The following GBE1 variants were observed in gnomAD, a reference collection of about 807,000 sequenced individuals.
The protein encoded by GBE1 is 1,4-alpha-glucan branching enzyme 1.
Under a neutral mutation model 88.8 loss-of-function variants are expected in GBE1, and 70 were observed. The observed-to-expected ratio is 0.79, with a 90% CI of 0.65 to 0.96. The LOEUF (loss-of-function observed/expected upper bound fraction) is 0.96. Ranked by LOEUF, GBE1 falls within the 40% of genes least tolerant of loss-of-function variation. The pLI is 0.00. For missense variants in GBE1, 872 were observed against 871.0 expected, an observed-to-expected ratio of 1.00 and a Z score of -0.01; for synonymous variants, 284 against 300.1, an observed-to-expected ratio of 0.95 and a Z score of 0.56.
rs376809475 is a variant in GBE1, at chr3:81,586,205, G to A, written c.1237-15C>T. On this transcript the variant is annotated splice_polypyrimidine_tract_variant and intron_variant, in intron 9 of 15. Coordinates refer to ENST00000429644, the MANE Select transcript of GBE1 (RefSeq NM_000158.4). ...CCTGATACATCCTACAACAAAGAAC[G>A]TCGGTTCATAATGATCAAACTTTTA... 1.5e-4 allele frequency: 224 copies of A among 1,515,688 alleles called. No individual in the cohort carries two copies. The highest frequency in any genetic ancestry group is 9.6e-4 in the African/African-American group (69 of 71,858). The allele number at this position is 1,515,688 out of a possible 1,614,324, so 93.9% of individuals were successfully genotyped here.
intron 7 of GBE1, among the ~76,000 whole-genome samples, chr3:81,607,060 A>G (rs1445633126): frequency 6.6e-6 from 1 of 152,206 alleles, no homozygotes; most frequent in Non-Finnish European, 1.5e-5. Context: ...CCATATTGCC[A>G]TTTATGGTTT....
chr3:81,617,772 A>G (rs960781925), intron 7 of GBE1, among the ~76,000 whole-genome samples: 18 of 151,920 alleles, frequency 1.2e-4, no homozygotes, highest in African/African-American at 4.3e-4. Flanking sequence ...TCTTTTCTGG[A>G]AGAATCTATA....
chr3:81,613,147 TC>T, intron 7 of GBE1: 9 of 299,440 alleles, frequency 3.0e-5, no homozygotes, highest in Admixed American at 5.0e-5. Context: ...CAAGCTGCAG[TC>T]TTTTTTTTTT....
intron 1 of GBE1, among the ~76,000 whole-genome samples, chr3:81,712,587 G>T (rs1195947759): frequency 1.4e-5 from 2 of 147,044 alleles, no homozygotes; most frequent in Non-Finnish European, 3.0e-5. Context: ...TCATAGGTGG[G>T]AATTGAACAA....
intron 7 of GBE1, among the ~76,000 whole-genome samples, chr3:81,636,102 T>C (rs1704588430): frequency 6.6e-6 from 1 of 152,192 alleles, no homozygotes; most frequent in Non-Finnish European, 1.5e-5. Context: ...AGTAATCTCA[T>C]AAACCCTGTG....
chr3:81,697,220 C>A (rs1311264510), intron 2 of GBE1, among the ~76,000 whole-genome samples: 1 of 152,068 alleles, frequency 6.6e-6, no homozygotes, highest in Non-Finnish European at 1.5e-5. Context: ...TTACGTTTAC[C>A]AGTTTTGTAT....
At chr3:81,691,428 T>C (rs1705518912) in intron 2 of GBE1, among the ~76,000 whole-genome samples, 1 of 152,178 alleles carries the variant, frequency 6.6e-6, no homozygotes, top group Non-Finnish European at 1.5e-5. Context: ...CTGAGATACT[T>C]TGTGCTAGTC....
At chr3:81,696,494 A>G (rs1266326483) in intron 2 of GBE1, among the ~76,000 whole-genome samples, 2 of 152,210 alleles carry the variant, frequency 1.3e-5, no homozygotes, top group Admixed American at 1.3e-4. Flanking sequence ...AAAATTTGAT[A>G]TATGTTGTAC....
At chr3:81,743,788 T>TA (rs1175482662) in intron 1 of GBE1, among the ~76,000 whole-genome samples, 1 of 151,948 alleles carries the variant, frequency 6.6e-6, no homozygotes, top group African/African-American at 2.4e-5. Context: ...CATTTAGCAT[T>TA]AAAAAAAGAC....
intron 1 of GBE1, among the ~76,000 whole-genome samples, chr3:81,706,263 A>G (rs1705774239): frequency 6.6e-6 from 1 of 152,172 alleles, no homozygotes; most frequent in Non-Finnish European, 1.5e-5. Flanking sequence ...AAGCATGTCA[A>G]GAACATACAC....
Position 81,527,078 on chromosome 3 carries a change from C to T in GBE1, c.1934+8117G>A, listed in dbSNP as rs1463289837. Among the ~76,000 whole-genome samples, 5 of 152,062 alleles carry T rather than the reference C, an allele frequency of 3.3e-5. No homozygotes were observed. In the East Asian group the frequency reaches 5.8e-4, roughly 18 times the overall value. ...AGAAATAATGCCGCATATCTACAAC[C>T]GTCTGATCTTTGACAAATCTGACAA... On this transcript the variant is annotated intron_variant, in intron 14 of 15. Coordinates refer to ENST00000429644, the MANE Select transcript of GBE1 (RefSeq NM_000158.4).
At chr3:81,742,113 A>G (rs1308788217) in intron 1 of GBE1, among the ~76,000 whole-genome samples, 1 of 151,964 alleles carries the variant, frequency 6.6e-6, no homozygotes, top group African/African-American at 2.4e-5. Flanking sequence ...AGCCAATTTC[A>G]GACCCAAAGA....
At chr3:81,553,050 A>C (rs1461820109) in intron 12 of GBE1, among the ~76,000 whole-genome samples, 3 of 152,222 alleles carry the variant, frequency 2.0e-5, no homozygotes, top group African/African-American at 7.2e-5. Context: ...TCTGGCACTA[A>C]GTACATGATT....
intron 12 of GBE1, among the ~76,000 whole-genome samples, chr3:81,544,002 C>A (rs537651321): frequency 1.3e-4 from 20 of 152,150 alleles, no homozygotes; most frequent in African/African-American, 4.6e-4. Flanking sequence ...ATATTTCATG[C>A]AAAATGTTGT....
At chr3:81,553,582 T>G (rs539439557) in intron 12 of GBE1, among the ~76,000 whole-genome samples, 401 of 130,554 alleles carry the variant, frequency 3.1e-3, no homozygotes, top group Non-Finnish European at 4.9e-3. Flanking sequence ...ATGGAAAATG[T>G]CTTTTTTTTT....
chr3:81,745,801 T>C (rs1468505391), intron 1 of GBE1, among the ~76,000 whole-genome samples: 1 of 152,118 alleles, frequency 6.6e-6, no homozygotes, highest in Admixed American at 6.5e-5. Flanking sequence ...GATAAATTTT[T>C]AGCTATATTA....
At chr3:81,596,684 G>A (rs1703960731) in intron 7 of GBE1, among the ~76,000 whole-genome samples, 1 of 151,800 alleles carries the variant, frequency 6.6e-6, no homozygotes, top group Admixed American at 6.6e-5. Context: ...TAATCATTTT[G>A]TGTCACAGAT....
intron 1 of GBE1, among the ~76,000 whole-genome samples, chr3:81,707,227 A>G (rs1438285632): frequency 1.3e-5 from 2 of 152,032 alleles, no homozygotes. Flanking sequence ...ATAGACAACC[A>G]GGCAGAAAAA....
At chr3:81,569,432 T>C (rs1390716893) in intron 12 of GBE1, among the ~76,000 whole-genome samples, 5 of 152,368 alleles carry the variant, frequency 3.3e-5, no homozygotes, top group Admixed American at 1.3e-4. Flanking sequence ...ATTTACATGA[T>C]ATGGCATTCC....
Sources: allele counts gnomAD v4.1 joint callset (sites outside exome capture counted in the v4.1 genomes callset), GRCh38; gene constraint gnomAD v4.1.1; transcripts MANE v1.5; gene names NCBI Gene and HGNC (gene_info 2026-07-23, HGNC 2026-07-21).